COL7A1: variants seen among roughly 807,000 people sequenced by gnomAD.
COL7A1 encodes the protein collagen alpha-1(VII) chain.
In COL7A1, 296 loss-of-function variants were observed where a neutral mutation model predicts 456.2. The ratio of observed to expected loss-of-function variants is 0.65; its 90% confidence interval spans 0.59 to 0.71. The LOEUF is 0.71. Ranked by LOEUF, COL7A1 falls within the 30% of genes least tolerant of loss-of-function variation. COL7A1 has a pLI of 0.00. For synonymous variants in COL7A1, 1,464 were observed against 1,525.9 expected, an observed-to-expected ratio of 0.96 and a Z score of 0.95; for missense variants, 3,441 against 4,017.2, an observed-to-expected ratio of 0.86 and a Z score of 3.88.
chr3:48,570,747 C>T lies in COL7A1; in HGVS notation c.7273-37G>A, dbSNP rs1490124402. The T allele has an allele frequency of 1.3e-6, 2 of 1,559,054 alleles. No individual in the cohort carries two copies. The highest frequency in any genetic ancestry group is 1.7e-6 in the Non-Finnish European group (2 of 1,150,860). On this transcript the variant is annotated intron_variant, in intron 95 of 118. Coordinates refer to ENST00000681320, the MANE Select transcript of COL7A1 (RefSeq NM_000094.4). This position sits in a 1 kb window ranked among gnomAD's most constrained non-coding sequence, Gnocchi z 5.5. The stretch of plus-strand genomic sequence containing the variant: ...ATGGGGCAAGAGAGGCAGAGAGTGA[C>T]TTGGGAACCCTCCTACCCTCTGCCC...
In COL7A1 at chr3:48,588,690, G is replaced by T. The variant is rs1288247859; in HGVS notation, c.2539C>A (p.Leu847Ile). 1.2e-6 allele frequency: 2 copies of T among 1,613,890 alleles called. No homozygotes were observed. The highest frequency in any genetic ancestry group is 4.5e-5 in the East Asian group (2 of 44,894). The change falls in exon 20 of 119, where the codon CTT becomes ATT. Residue 847 changes from leucine (L) to isoleucine (I), a missense_variant. Coordinates refer to ENST00000681320, the MANE Select transcript of COL7A1 (RefSeq NM_000094.4). This position sits in a 1 kb window ranked among gnomAD's most constrained non-coding sequence, Gnocchi z 4.6. Reference sequence around the variant, plus strand: ...GGTGTGCCCTCGCGGTCCCCGACAAGTGCAGTCACTCGCACTGAGTAGCTG... The same window carrying T: ...GGTGTGCCCTCGCGGTCCCCGACAATTGCAGTCACTCGCACTGAGTAGCTG... ...GVSYSVRVTALVGDREGTPVS... is the reference protein window; with the variant it reads ...GVSYSVRVTAIVGDREGTPVS...
chr3:48,580,939 A>G lies in COL7A1; in HGVS notation c.4936-13T>C. 1 of 1,613,936 alleles carries G rather than the reference A, an allele frequency of 6.2e-7. No homozygotes were observed. The highest frequency in any genetic ancestry group is 8.5e-7 in the Non-Finnish European group (1 of 1,179,960). On this transcript the variant is annotated splice_polypyrimidine_tract_variant and intron_variant, in intron 53 of 118. Transcript: ENST00000681320. The surrounding 1 kb of genome is among the most constrained non-coding windows in gnomAD (Gnocchi z 4.5). ...AACCCGGGTCACCCTGGTGATAGAG[A>G]GAAAAGTCATACTGCACAGGGCAGT...
Position 48,578,479 on chromosome 3 carries a change from C to T in COL7A1, c.5461G>A (p.Gly1821Ser). 1 of 1,612,844 alleles carries T rather than the reference C, an allele frequency of 6.2e-7. No homozygotes were observed. ...PGLRGEQGLP[G>S]PSGPPGLPGK... ...GGTAATCCAGGGGGACCAGAGGGGC[C>T]AGGGAGGCCCTGTTCTCCACGGAGG... Residue 1821 changes from glycine (G) to serine (S), a missense_variant, in exon 64 of 119, where the codon GGC becomes AGC. This residue lies in a region of COL7A1 where 2,084 missense variants were observed against 2,501.3 expected (regional missense o/e 0.83). Coordinates refer to ENST00000681320, the MANE Select transcript of COL7A1 (RefSeq NM_000094.4). The surrounding 1 kb of genome is among the most constrained non-coding windows in gnomAD (Gnocchi z 4.7).
chr3:48,595,197 C>T (rs1043914910), intron 1 of COL7A1, 37 bp from the exon 2 acceptor site: 4 of 1,517,554 alleles, frequency 2.6e-6, no homozygotes, highest in Non-Finnish European at 3.6e-6. Context: ...ACCCCCGCCT[C>T]TGTCCCTTGC....
Position 48,588,403 on chromosome 3 carries a change from C to T in COL7A1, c.2589G>A (p.Pro863=), listed in dbSNP as rs200172845. 145 of 1,609,192 alleles carry T rather than the reference C, an allele frequency of 9.0e-5. No individual in the cohort carries two copies. The highest frequency in any genetic ancestry group is 1.1e-4 in the Non-Finnish European group (133 of 1,179,732). ...GTPVSIVVTT[P]PEAPPALGTL... is the part of the protein sequence containing the mutation. Reference sequence around the variant, plus strand: ...TCCCCAGGGCTGGCGGAGCCTCAGGCGCTGGAGAGAAAGCTCAGGAATCAG... The same window carrying T: ...TCCCCAGGGCTGGCGGAGCCTCAGGTGCTGGAGAGAAAGCTCAGGAATCAG... The change falls in exon 21 of 119, where the codon CCG becomes CCA. Residue 863 remains proline (P), a splice_region_variant and synonymous_variant. Coordinates refer to ENST00000681320, the MANE Select transcript of COL7A1 (RefSeq NM_000094.4). This position sits in a 1 kb window ranked among gnomAD's most constrained non-coding sequence, Gnocchi z 4.6.
At position 48,567,598 on chromosome 3, in the gene COL7A1, GCCAGGGGCCCCCGACTGGCCCGGCACA is replaced by G. The variant is rs1191147465; in HGVS notation, c.7995_8021del (p.Val2666_Gly2674del). 3 of 1,614,152 alleles carry G rather than the reference GCCAGGGGCCCCCGACTGGCCCGGCACA, an allele frequency of 1.9e-6. No homozygotes were observed. In the South Asian group the frequency reaches 3.3e-5, roughly 18 times the overall value. ...CCTTGGGACCGATCAGGCCCTCCTT[GCCAGGGGCCCCCGACTGGCCCGGCACA>G]CCAGGCTCCCCCTGGAGAAAAAAAG... On this transcript the variant is annotated inframe_deletion, in exon 109 of 119. Coordinates refer to ENST00000681320, the MANE Select transcript of COL7A1 (RefSeq NM_000094.4). This position sits in a 1 kb window ranked among gnomAD's most constrained non-coding sequence, Gnocchi z 4.3.
chr3:48,583,383 T>A lies in COL7A1; in HGVS notation c.4437+10A>T. The stretch of plus-strand genomic sequence containing the variant: ...ACCCCTCACACCTGAATCCCCCAAC[T>A]GGTACTCACTTTGGGGCCAATAGCT... On this transcript the variant is annotated intron_variant, in intron 42 of 118. Coordinates refer to ENST00000681320, the MANE Select transcript of COL7A1 (RefSeq NM_000094.4). This position sits in a 1 kb window ranked among gnomAD's most constrained non-coding sequence, Gnocchi z 5.1. 1 of 1,614,002 alleles carries A rather than the reference T, an allele frequency of 6.2e-7. No homozygotes were observed. Among genetic ancestry groups the A allele is most frequent in the Non-Finnish European group, 8.5e-7 (1 of 1,179,910 alleles).
At position 48,588,197 on chromosome 3, in the gene COL7A1, C is replaced by A; in HGVS notation, c.2710+85G>T. ...GACCCCCAGTGACAGACCCCGCCCACCATCACTGTCCTCGCCTACCTTGCG... is the reference window on the plus strand; with the variant it reads ...GACCCCCAGTGACAGACCCCGCCCAACATCACTGTCCTCGCCTACCTTGCG... On this transcript the variant is annotated intron_variant, in intron 21 of 118. Coordinates refer to ENST00000681320, the MANE Select transcript of COL7A1 (RefSeq NM_000094.4). This position sits in a 1 kb window ranked among gnomAD's most constrained non-coding sequence, Gnocchi z 4.6. 6.2e-7 allele frequency: 1 copy of A among 1,601,582 alleles called. No individual in the cohort carries two copies. Among genetic ancestry groups the A allele is most frequent in the Admixed American group, 1.7e-5 (1 of 59,788 alleles).
intron 65 of COL7A1, among the ~76,000 whole-genome samples, 176 bp from the exon 66 acceptor site, chr3:48,577,203 GTGCC>G (rs1174079634): frequency 6.6e-6 from 1 of 152,256 alleles, no homozygotes; most frequent in Non-Finnish European, 1.5e-5. Context: ...GTCTAAGGGT[GTGCC>G]TGCATAGGCC....
In COL7A1 at chr3:48,566,218, C is replaced by G; in HGVS notation, c.8407+49G>C. 1 of 1,572,132 alleles carries G rather than the reference C, an allele frequency of 6.4e-7. No individual in the cohort carries two copies. The highest frequency in any genetic ancestry group is 8.6e-7 in the Non-Finnish European group (1 of 1,158,284). ...AGTTCTAGGGGCCTGCCTGCCCTTGCCTAGGGTGCTGGGGTGGAGTGGGAG... is the reference window on the plus strand; with the variant it reads ...AGTTCTAGGGGCCTGCCTGCCCTTGGCTAGGGTGCTGGGGTGGAGTGGGAG... On this transcript the variant is annotated intron_variant, in intron 114 of 118. Transcript: ENST00000681320. This position sits in a 1 kb window ranked among gnomAD's most constrained non-coding sequence, Gnocchi z 5.9.
rs2045450958 is a variant in COL7A1 at position 48,588,472 on chromosome 3, C to T, written c.2588-68G>A. On this transcript the variant is annotated intron_variant, in intron 20 of 118. Transcript: ENST00000681320. The surrounding 1 kb of genome is among the most constrained non-coding windows in gnomAD (Gnocchi z 4.6). ...GCCCCTGCACCAATCCCAGGCCCAC[C>T]CTGGCACACGCACCCCGCCCAGCCT... 1 of 1,595,744 alleles carries T rather than the reference C, an allele frequency of 6.3e-7. No homozygotes were observed. The highest frequency in any genetic ancestry group is 8.5e-7 in the Non-Finnish European group (1 of 1,176,174).
chr3:48,576,485 C>CCCCT (rs772662324), intron 69 of COL7A1, 37 bp downstream of exon 69: 2 of 1,612,510 alleles, frequency 1.2e-6, no homozygotes, highest in South Asian at 2.2e-5. Context: ...CCTGGTCAGC[C>CCCCT]CCCTCACCAC....
rs755960601 is a variant in COL7A1 at position 48,565,509 on chromosome 3, G to A, written c.8441-13C>T. 16 of 1,613,664 alleles carry A rather than the reference G, an allele frequency of 9.9e-6. No homozygotes were observed. The highest frequency in any genetic ancestry group is 5.5e-5 in the South Asian group (5 of 91,020). On this transcript the variant is annotated splice_polypyrimidine_tract_variant and intron_variant, in intron 115 of 118. Transcript: ENST00000681320. The surrounding 1 kb of genome is among the most constrained non-coding windows in gnomAD (Gnocchi z 4.5). ...CTAGGGAGGGGTCCTGGAGCCAAGA[G>A]CAGGGGCCTCAGGGCCCTGAAGTCA...
rs959766651 is a variant in COL7A1, at chr3:48,594,206, T to G, written c.266+162A>C. On this transcript the variant is annotated intron_variant, in intron 3 of 118. Coordinates refer to ENST00000681320, the MANE Select transcript of COL7A1 (RefSeq NM_000094.4). The surrounding 1 kb of genome is among the most constrained non-coding windows in gnomAD (Gnocchi z 5.5). ...CACGAAGGTTCTACCTAGGGAATCCTTACCTCTGTCTCCAAAGGAGGTCCT... is the reference window on the plus strand; with the variant it reads ...CACGAAGGTTCTACCTAGGGAATCCGTACCTCTGTCTCCAAAGGAGGTCCT... Among the ~76,000 whole-genome samples the G allele has an allele frequency of 1.1e-4, 16 of 152,180 alleles. No homozygotes were observed. Among genetic ancestry groups the G allele is most frequent in the Non-Finnish European group, 1.8e-4 (12 of 67,988 alleles).
Position 48,594,428 on chromosome 3 carries a change from G to A in COL7A1, c.206C>T (p.Ser69Phe). Residue 69 changes from serine (S) to phenylalanine (F), a missense_variant, in exon 3 of 119, where the codon TCT becomes TTT. Around this residue, in one of 3 missense-constraint regions of COL7A1, gnomAD observed 913 missense variants for 1,088.2 expected, o/e 0.84. Transcript: ENST00000681320. This position sits in a 1 kb window ranked among gnomAD's most constrained non-coding sequence, Gnocchi z 5.5. ...CACACCCTGTGCACTGGCTGCTCCAGAGAAAGGCAGCACCAGCCCTTCGAG... is the reference window on the plus strand; with the variant it reads ...CACACCCTGTGCACTGGCTGCTCCAAAGAAAGGCAGCACCAGCCCTTCGAG... Reference protein sequence around the residue: ...SFLEGLVLPFSGAASAQGVRF... With the variant: ...SFLEGLVLPFFGAASAQGVRF... 1.2e-6 allele frequency: 2 copies of A among 1,612,058 alleles called. No homozygotes were observed. The highest frequency in any genetic ancestry group is 1.7e-6 in the Non-Finnish European group (2 of 1,180,042).
rs1430574906 is a variant in COL7A1, at chr3:48,580,097, G to A, written c.5098-40C>T. 1 of 1,611,868 alleles carries A rather than the reference G, an allele frequency of 6.2e-7. No homozygotes were observed. The highest frequency in any genetic ancestry group is 1.7e-5 in the Admixed American group (1 of 59,882). ...GATTATAGTCAATAGGAGCCCTCAGGTCCCAGGCCATGGCTCTGGTTTGCC... is the reference window on the plus strand; with the variant it reads ...GATTATAGTCAATAGGAGCCCTCAGATCCCAGGCCATGGCTCTGGTTTGCC... On this transcript the variant is annotated intron_variant, in intron 56 of 118. Transcript: ENST00000681320. The surrounding 1 kb of genome is among the most constrained non-coding windows in gnomAD (Gnocchi z 4.5).
chr3:48,576,106 G>T, intron 71 of COL7A1, 143 bp downstream of exon 71: 1 of 1,423,204 alleles, frequency 7.0e-7, no homozygotes, highest in Non-Finnish European at 9.8e-7. Flanking sequence ...CCTTGAGTGT[G>T]GGCTACAAGA....
At position 48,581,015 on chromosome 3, in the gene COL7A1, G is replaced by A; in HGVS notation, c.4936-89C>T. The stretch of plus-strand genomic sequence containing the variant: ...GGGACAGAGAAGGGTCTGAGCAGCA[G>A]CTGGACAGGAGGCAGGGAGTGGATG... On this transcript the variant is annotated intron_variant, in intron 53 of 118. Transcript: ENST00000681320. The surrounding 1 kb of genome is among the most constrained non-coding windows in gnomAD (Gnocchi z 5.8). The A allele has an allele frequency of 6.2e-7, 1 of 1,600,460 alleles. No individual in the cohort carries two copies. Among genetic ancestry groups the A allele is most frequent in the South Asian group, 1.1e-5 (1 of 90,512 alleles).
Position 48,593,652 on chromosome 3 carries a change from A to G in COL7A1, c.311T>C (p.Ile104Thr), listed in dbSNP as rs2045868882. ...LDALGSGGDV[I>T]RAIRELSYKG... is the part of the protein sequence containing the mutation. ...GTAGCTAAGCTCACGGATGGCGCGG[A>G]TCACATCACCCCCAGAGCCAAGTGC... Residue 104 changes from isoleucine (I) to threonine (T), a missense_variant, in exon 4 of 119, where the codon ATC (isoleucine) becomes ACC (threonine). Ile to Thr is a moderately conservative substitution (Grantham distance 89, BLOSUM62 -1). Around this residue, in one of 3 missense-constraint regions of COL7A1, gnomAD observed 913 missense variants for 1,088.2 expected, o/e 0.84. Coordinates refer to ENST00000681320, the MANE Select transcript of COL7A1 (RefSeq NM_000094.4). This position sits in a 1 kb window ranked among gnomAD's most constrained non-coding sequence, Gnocchi z 4.4. The G allele has an allele frequency of 6.2e-7, 1 of 1,614,164 alleles. No homozygotes were observed. The highest frequency in any genetic ancestry group is 8.5e-7 in the Non-Finnish European group (1 of 1,180,022).
Sources: allele counts gnomAD v4.1 joint callset (sites outside exome capture counted in the v4.1 genomes callset), GRCh38; gene constraint gnomAD v4.1.1; regional missense constraint gnomAD v4.1.1; non-coding constraint Gnocchi (gnomAD v3.1); transcripts MANE v1.5; gene names NCBI Gene and HGNC (gene_info 2026-07-23, HGNC 2026-07-21).